The following STAT1 variants were observed in gnomAD, a reference collection of about 807,000 sequenced individuals.
STAT1 encodes the protein signal transducer and activator of transcription 1-alpha/beta.
In STAT1, 24 loss-of-function variants were observed where a neutral mutation model predicts 111.7. That is an observed-to-expected ratio of 0.21 (90% CI 0.16 to 0.30). The LOEUF is 0.30. Ranked by LOEUF, STAT1 falls within the 10% of genes least tolerant of loss-of-function variation. The pLI is 1.00. For synonymous variants in STAT1, 332 were observed against 326.5 expected (o/e 1.02, Z -0.18); for missense variants, 351 against 911.9 (o/e 0.38, Z 7.92).
chr2:191,011,533 C>G (rs907874146), intron 2 of STAT1, among the ~76,000 whole-genome samples: 3 of 152,194 alleles, frequency 2.0e-5, no homozygotes, highest in Non-Finnish European at 4.4e-5. Context: ...ATCCTCCCAC[C>G]TCAGCCTCCC....
rs572808067 is a variant in STAT1 at position 190,995,633 on chromosome 2, C to T, written c.786-414G>A. Reference sequence around the variant, plus strand: ...TCAAGGTGAGATTTGGGTGGGGACACGGCCAAACCATATGGCATGGAAACC... The same window carrying T: ...TCAAGGTGAGATTTGGGTGGGGACATGGCCAAACCATATGGCATGGAAACC... On this transcript the variant is annotated intron_variant, in intron 9 of 24. Coordinates refer to ENST00000361099, the MANE Select transcript of STAT1 (RefSeq NM_007315.4). The surrounding 1 kb of genome is among the most constrained non-coding windows in gnomAD (Gnocchi z 4.2). Among the ~76,000 whole-genome samples the T allele has an allele frequency of 8.5e-4, 129 of 152,236 alleles. 2 individuals are homozygous for T. Among genetic ancestry groups the T allele is most frequent in the African/African-American group, 3.0e-3 (125 of 41,528 alleles).
At chr2:190,972,842 T>TGC (rs1691607260) in intron 24 of STAT1, among the ~76,000 whole-genome samples, 2 of 151,104 alleles carry the variant, frequency 1.3e-5, no homozygotes, top group African/African-American at 4.9e-5. Flanking sequence ...TGTGTGTGTG[T>TGC]GTGTGTGTGT....
At position 190,971,814 on chromosome 2, in the gene STAT1, G is replaced by C. The variant is rs1022632796; in HGVS notation, c.2239-1097C>G. Among the ~76,000 whole-genome samples the C allele has an allele frequency of 6.6e-6, 1 of 151,936 alleles. No homozygotes were observed. The highest frequency in any genetic ancestry group is 1.5e-5 in the Non-Finnish European group (1 of 67,980). On this transcript the variant is annotated intron_variant, in intron 24 of 24. Coordinates refer to ENST00000361099, the MANE Select transcript of STAT1 (RefSeq NM_007315.4). The surrounding 1 kb of genome is among the most constrained non-coding windows in gnomAD (Gnocchi z 4.1). Reference sequence around the variant, plus strand: ...TGCAACCTCCACCTTCCAGGTTCAAGCGATCCTCCTGCCTCAGCCCCCCTA... The same window carrying C: ...TGCAACCTCCACCTTCCAGGTTCAACCGATCCTCCTGCCTCAGCCCCCCTA...
At chr2:191,009,435 TAA>T (rs1553499746) in intron 3 of STAT1, among the ~76,000 whole-genome samples, 1 of 142,952 alleles carries the variant, frequency 7.0e-6, no homozygotes, top group Non-Finnish European at 1.6e-5. Flanking sequence ...TAGCAAATAA[TAA>T]ATTTTAAAGT....
rs1693162120 is a variant in STAT1 at position 190,989,591 on chromosome 2, T to C, written c.1097+24A>G. The C allele has an allele frequency of 7.5e-7, 1 of 1,329,980 alleles. No homozygotes were observed. The highest frequency in any genetic ancestry group is 2.4e-5 in the East Asian group (1 of 41,514). 82.4% of individuals were successfully genotyped at this position (1,329,980 alleles called of 1,614,324 possible). On this transcript the variant is annotated intron_variant, in intron 12 of 24. Transcript: ENST00000361099. This position sits in a 1 kb window ranked among gnomAD's most constrained non-coding sequence, Gnocchi z 5.0. ...CAACATTTCAATAGTACATGTATGT[T>C]ATATAATGTTAAAGATATCTTACTT...
rs993306608 is a variant in STAT1 at position 190,980,432 on chromosome 2, C to T, written c.1632+188G>A. ...TATCACTCAGGCAGGTGCTTCCTGT[C>T]AGACTCCTGCTCGGAGACCAACCTC... On this transcript the variant is annotated intron_variant, in intron 19 of 24. Coordinates refer to ENST00000361099, the MANE Select transcript of STAT1 (RefSeq NM_007315.4). The surrounding 1 kb of genome is among the most constrained non-coding windows in gnomAD (Gnocchi z 6.1). Among the ~76,000 whole-genome samples the T allele has an allele frequency of 2.0e-5, 3 of 152,244 alleles. No individual in the cohort carries two copies. The highest frequency in any genetic ancestry group is 4.8e-5 in the African/African-American group (2 of 41,460).
rs1300275650 is a variant in STAT1 at position 190,970,337 on chromosome 2, A to T, written c.*366T>A. The T allele has an allele frequency of 1.4e-5, 5 of 351,116 alleles. No homozygotes were observed. The highest frequency in any genetic ancestry group is 2.8e-5 in the Non-Finnish European group (5 of 181,578). 21.8% of individuals were successfully genotyped at this position (351,116 alleles called of 1,614,324 possible). On this transcript the variant is annotated 3_prime_UTR_variant, in exon 25 of 25. Transcript: ENST00000361099. This position sits in a 1 kb window ranked among gnomAD's most constrained non-coding sequence, Gnocchi z 5.4. ...TAAATAACCACTGATTTATCCAACA[A>T]CCTATAACAGTTGGGCACTGACTTT...
rs1695213895 is a variant in STAT1 at position 191,012,444 on chromosome 2, C to T, written c.-2+1081G>A. Among the ~76,000 whole-genome samples, 1 of 151,690 alleles carries T rather than the reference C, an allele frequency of 6.6e-6. No homozygotes were observed. Among genetic ancestry groups the T allele is most frequent in the Non-Finnish European group, 1.5e-5 (1 of 67,906 alleles). On this transcript the variant is annotated intron_variant, in intron 2 of 24. Transcript: ENST00000361099. This position sits in a 1 kb window ranked among gnomAD's most constrained non-coding sequence, Gnocchi z 4.0. ...AAAAAAAAAACAATGAATAAATAAGCTCATGTTCACAAATCTGGAGTCAGT... is the reference window on the plus strand; with the variant it reads ...AAAAAAAAAACAATGAATAAATAAGTTCATGTTCACAAATCTGGAGTCAGT...
In STAT1 at chr2:190,984,449, T is replaced by C. The variant is rs1357943810; in HGVS notation, c.1264-56A>G. 9.3e-6 allele frequency: 14 copies of C among 1,509,212 alleles called. No individual in the cohort carries two copies. The Admixed American group carries it at 1.6e-4, about 17-fold the overall frequency. The allele number at this position is 1,509,212 out of a possible 1,614,324, so 93.5% of individuals were successfully genotyped here. ...TATAATTATTCACAGATCCTAAAACTTTCAAAAGCCCAATTAACATTGCAA... is the reference window on the plus strand; with the variant it reads ...TATAATTATTCACAGATCCTAAAACCTTCAAAAGCCCAATTAACATTGCAA... On this transcript the variant is annotated intron_variant, in intron 15 of 24. Coordinates refer to ENST00000361099, the MANE Select transcript of STAT1 (RefSeq NM_007315.4). This position sits in a 1 kb window ranked among gnomAD's most constrained non-coding sequence, Gnocchi z 5.2.
chr2:190,995,358 G>C lies in STAT1; in HGVS notation c.786-139C>G. On this transcript the variant is annotated intron_variant, in intron 9 of 24. Transcript: ENST00000361099. This position sits in a 1 kb window ranked among gnomAD's most constrained non-coding sequence, Gnocchi z 4.2. ...GAGACTGGAGAATTTATAAAGGAAA[G>C]AGGTTTAATTGACACATAGTTCCAC... 1 of 932,678 alleles carries C rather than the reference G, an allele frequency of 1.1e-6. No homozygotes were observed. Among genetic ancestry groups the C allele is most frequent in the Non-Finnish European group, 1.7e-6 (1 of 590,028 alleles). 57.8% of individuals were successfully genotyped at this position (932,678 alleles called of 1,614,324 possible). A position where few individuals can be genotyped will look rare whatever the true frequency, so the allele number is the denominator to read the frequency against.
In STAT1 at chr2:191,003,371, C is replaced by A. The variant is rs988432501; in HGVS notation, c.373-2208G>T. ...TTCTGCCTGTGCAGGGAAATCTTTGCTGTTGTCTAATTCTGACATGGTTTG... is the reference window on the plus strand; with the variant it reads ...TTCTGCCTGTGCAGGGAAATCTTTGATGTTGTCTAATTCTGACATGGTTTG... On this transcript the variant is annotated intron_variant, in intron 5 of 24. Coordinates refer to ENST00000361099, the MANE Select transcript of STAT1 (RefSeq NM_007315.4). The surrounding 1 kb of genome is among the most constrained non-coding windows in gnomAD (Gnocchi z 4.0). Among the ~76,000 whole-genome samples the A allele has an allele frequency of 8.5e-5, 13 of 152,196 alleles. No homozygotes were observed. Among genetic ancestry groups the A allele is most frequent in the Non-Finnish European group, 1.8e-4 (12 of 68,028 alleles).
At position 190,978,516 on chromosome 2, in the gene STAT1, G is replaced by T. The variant is rs1692085936; in HGVS notation, c.1873+340C>A. 1.1e-5 allele frequency: 4 copies of T among 373,606 alleles called. No individual in the cohort carries two copies. The highest frequency in any genetic ancestry group is 8.5e-5 in the South Asian group (4 of 46,798). 23.1% of individuals were successfully genotyped at this position (373,606 alleles called of 1,614,324 possible). ...TACTCTGGGATGACCCTAAGAGAAT[G>T]TGGATGCTTACTCCTGTGGGAAATG... On this transcript the variant is annotated intron_variant, in intron 21 of 24. Coordinates refer to ENST00000361099, the MANE Select transcript of STAT1 (RefSeq NM_007315.4). The surrounding 1 kb of genome is among the most constrained non-coding windows in gnomAD (Gnocchi z 6.1).
intron 10 of STAT1, among the ~76,000 whole-genome samples, chr2:190,994,488 T>G: frequency 6.6e-6 from 1 of 150,396 alleles, no homozygotes; most frequent in African/African-American, 2.5e-5. Context: ...GAGGAGGAGG[T>G]GAGGCATGTT....
In STAT1 at chr2:191,000,436, C is replaced by A. The variant is rs191674873; in HGVS notation, c.462+638G>T. On this transcript the variant is annotated intron_variant, in intron 6 of 24. Coordinates refer to ENST00000361099, the MANE Select transcript of STAT1 (RefSeq NM_007315.4). The surrounding 1 kb of genome is among the most constrained non-coding windows in gnomAD (Gnocchi z 4.8). ...CATACTGCTATTACCCAGAGATCCA[C>A]AGAGGACCAAACCCCTAAGCTGGAA... Among the ~76,000 whole-genome samples the A allele has an allele frequency of 8.4e-4, 127 of 151,122 alleles. No homozygotes were observed. Among genetic ancestry groups the A allele is most frequent in the African/African-American group, 3.1e-3 (124 of 40,428 alleles).
At chr2:191,010,081 G>C (rs2125103814) in intron 2 of STAT1, 77 bp from the exon 3 acceptor site, 2 of 1,530,726 alleles carry the variant, frequency 1.3e-6, no homozygotes, top group Non-Finnish European at 1.8e-6. Flanking sequence ...CTAGCATCAG[G>C]TTGTACTCTT....
Position 191,012,278 on chromosome 2 carries a change from TG to T in STAT1, c.-2+1246del, listed in dbSNP as rs1284761689. Among the ~76,000 whole-genome samples, 2 of 151,850 alleles carry T rather than the reference TG, an allele frequency of 1.3e-5. No individual in the cohort carries two copies. Among genetic ancestry groups the T allele is most frequent in the Non-Finnish European group, 2.9e-5 (2 of 67,934 alleles). ...AATACAAAAAAAAATTAGCAGGGCATGGTGGTGTGCACCTGTAGTCCCAACT... is the reference window on the plus strand; with the variant it reads ...AATACAAAAAAAAATTAGCAGGGCATGTGGTGTGCACCTGTAGTCCCAACT... On this transcript the variant is annotated intron_variant, in intron 2 of 24. Coordinates refer to ENST00000361099, the MANE Select transcript of STAT1 (RefSeq NM_007315.4). This position sits in a 1 kb window ranked among gnomAD's most constrained non-coding sequence, Gnocchi z 4.0.
Position 190,989,606 on chromosome 2 carries a change from A to G in STAT1, c.1097+9T>C. The stretch of plus-strand genomic sequence containing the variant: ...ACATGTATGTTATATAATGTTAAAG[A>G]TATCTTACTTATCAAATAAGACTTT... On this transcript the variant is annotated intron_variant, in intron 12 of 24. Transcript: ENST00000361099. The surrounding 1 kb of genome is among the most constrained non-coding windows in gnomAD (Gnocchi z 5.0). The G allele has an allele frequency of 6.8e-7, 1 of 1,469,764 alleles. No homozygotes were observed. The highest frequency in any genetic ancestry group is 9.4e-7 in the Non-Finnish European group (1 of 1,060,016). The allele number at this position is 1,469,764 out of a possible 1,614,324, so 91.0% of individuals were successfully genotyped here.
Position 191,007,733 on chromosome 2 carries a change from A to C in STAT1, c.274-72T>G. The C allele has an allele frequency of 8.7e-7, 1 of 1,146,922 alleles. No homozygotes were observed. The highest frequency in any genetic ancestry group is 1.7e-5 in the Admixed American group (1 of 58,986). The allele number at this position is 1,146,922 out of a possible 1,614,324, so 71.0% of individuals were successfully genotyped here. ...TTACTTTATTGTGTATTGTAAGTTGATATGAATTTGTTTATATTCTCCGGG... is the reference window on the plus strand; with the variant it reads ...TTACTTTATTGTGTATTGTAAGTTGCTATGAATTTGTTTATATTCTCCGGG... On this transcript the variant is annotated intron_variant, in intron 4 of 24. Coordinates refer to ENST00000361099, the MANE Select transcript of STAT1 (RefSeq NM_007315.4). This position sits in a 1 kb window ranked among gnomAD's most constrained non-coding sequence, Gnocchi z 4.2.
rs370337308 is a variant in STAT1 at position 190,998,271 on chromosome 2, T to C, written c.579A>G (p.Lys193=). 13 of 1,613,786 alleles carry C rather than the reference T, an allele frequency of 8.1e-6. No individual in the cohort carries two copies. In the East Asian group the frequency reaches 1.6e-4, roughly 19 times the overall value. The change falls in exon 8 of 25, where the codon AAA becomes AAG. Residue 193 remains lysine, a synonymous_variant. Transcript: ENST00000361099. The surrounding 1 kb of genome is among the most constrained non-coding windows in gnomAD (Gnocchi z 4.1). ...TCTTCTTGAGTAACAGCTGTTCTTG[T>C]TTCTGATCACTCTTTGCCACACCAT... ...ETNGVAKSDQ[K]QEQLLLKKMY...
Sources: allele counts gnomAD v4.1 joint callset (sites outside exome capture counted in the v4.1 genomes callset), GRCh38; gene constraint gnomAD v4.1.1; non-coding constraint Gnocchi (gnomAD v3.1); transcripts MANE v1.5; gene names NCBI Gene and HGNC (gene_info 2026-07-23, HGNC 2026-07-21).